Variants in NALCN observed in about 807,000 individuals in gnomAD.
NALCN encodes sodium leak channel, non-selective.
A neutral mutation model predicts 225.3 loss-of-function variants in NALCN; 111 were observed. The ratio of observed to expected loss-of-function variants is 0.49; its 90% confidence interval spans 0.42 to 0.58. NALCN has a LOEUF of 0.58. NALCN is among the 20% of genes least tolerant of loss of function. NALCN has a pLI of 0.00. For synonymous variants in NALCN, 764 were observed against 769.0 expected, an observed-to-expected ratio of 0.99 and a Z score of 0.11; for missense variants, 1,378 against 2,202.4, an observed-to-expected ratio of 0.63 and a Z score of 7.49.
intron 13 of NALCN, among the ~76,000 whole-genome samples, chr13:101,210,618 A>G (rs1449853853): frequency 2.0e-5 from 3 of 152,166 alleles, no homozygotes; most frequent in Non-Finnish European, 2.9e-5. Flanking sequence ...AAAGTTTTAA[A>G]CTTTCTATAC....
intron 4 of NALCN, 43 bp from the exon 5 acceptor site, chr13:101,377,099 A>T: frequency 6.2e-7 from 1 of 1,612,654 alleles, no homozygotes; most frequent in South Asian, 1.1e-5. Flanking sequence ...ATTTTCCCTT[A>T]GCATTGCTTA....
At chr13:101,394,804 G>A (rs2047237739) in intron 3 of NALCN, among the ~76,000 whole-genome samples, 1 of 151,674 alleles carries the variant, frequency 6.6e-6, no homozygotes, top group South Asian at 2.1e-4. Flanking sequence ...ACTCTATCAT[G>A]TGACTCTGAT....
At chr13:101,330,888 A>G (rs949997373) in intron 7 of NALCN, among the ~76,000 whole-genome samples, 2 of 152,190 alleles carry the variant, frequency 1.3e-5, no homozygotes, top group Non-Finnish European at 2.9e-5. Flanking sequence ...CCTGCCACCA[A>G]GTAAGACATA....
Position 101,104,311 on chromosome 13 carries a change from T to C in NALCN, c.2873A>G (p.Asp958Gly), listed in dbSNP as rs1312952522. The C allele has an allele frequency of 1.2e-6, 2 of 1,609,396 alleles. No homozygotes were observed. Among genetic ancestry groups the C allele is most frequent in the South Asian group, 1.1e-5 (1 of 90,014 alleles). Reference protein sequence around the residue: ...AVIRDFGGVMDIFIYLVSLIF... With the variant: ...AVIRDFGGVMGIFIYLVSLIF... ...AAGACTTACAAGATATATAAATATG[T>C]CCATTACTCCACCGAAGTCCCTGAT... The change falls in exon 25 of 44, where the codon GAC (aspartate) becomes GGC (glycine). Residue 958 changes from aspartate (D) to glycine (G), a missense_variant. Asp to Gly is a moderately conservative substitution (Grantham distance 94). Around this residue, in one of 19 missense-constraint regions of NALCN, gnomAD observed 292 missense variants for 409.5 expected, o/e 0.71. Transcript: ENST00000251127. This position sits in a 1 kb window ranked among gnomAD's most constrained non-coding sequence, Gnocchi z 4.2.
chr13:101,159,623 G>A lies in NALCN; in HGVS notation c.1840-14727C>T, dbSNP rs2038064580. Among the ~76,000 whole-genome samples, 4 of 152,276 alleles carry A rather than the reference G, an allele frequency of 2.6e-5. No individual in the cohort carries two copies. The South Asian group carries it at 8.3e-4, about 32-fold the overall frequency. On this transcript the variant is annotated intron_variant, in intron 15 of 43. Transcript: ENST00000251127. ...CATAATGAAGTATACAGCTACAGGT[G>A]TCCCAGTAATGACAGCTCTCGACTC... is the stretch of plus-strand genomic sequence containing the variant.
chr13:101,304,304 A>T (rs2044076317), intron 7 of NALCN, among the ~76,000 whole-genome samples: 1 of 152,070 alleles, frequency 6.6e-6, no homozygotes, highest in African/African-American at 2.4e-5. Context: ...ATACATGTGC[A>T]GAATGTGCAG....
chr13:101,142,668 A>T (rs957464849), intron 17 of NALCN: 1 of 178,870 alleles, frequency 5.6e-6, no homozygotes. Flanking sequence ...ATAAATGGCA[A>T]TTCTTTCGAC....
chr13:101,359,494 C>G (rs181435291), intron 6 of NALCN, among the ~76,000 whole-genome samples: 23 of 152,312 alleles, frequency 1.5e-4, no homozygotes, highest in Admixed American at 1.3e-3. Context: ...CTGTGTGCAT[C>G]AGCACATCAT....
At chr13:101,290,122 CTTGA>C (rs1425925794) in intron 9 of NALCN, among the ~76,000 whole-genome samples, 11 of 152,202 alleles carry the variant, frequency 7.2e-5, no homozygotes, top group African/African-American at 1.9e-4. Context: ...ATTTATTCCT[CTTGA>C]TTAAGTACAA....
At chr13:101,316,172 G>A (rs956446096) in intron 7 of NALCN, among the ~76,000 whole-genome samples, 12 of 151,340 alleles carry the variant, frequency 7.9e-5, no homozygotes, top group South Asian at 4.2e-4. Flanking sequence ...TTCAATAAAT[G>A]TCCTTCTCAT....
In NALCN at chr13:101,120,538, A is replaced by G. The variant is rs1566298563; in HGVS notation, c.2192+4070T>C. 1.3e-5 allele frequency among the ~76,000 whole-genome samples: 2 copies of G among 151,194 alleles called. 1 individual carries two copies. Among genetic ancestry groups the G allele is most frequent in the South Asian group, 4.2e-4 (2 of 4,784 alleles). ...CCAAACTTAAAAAAAAAAAAAAACC[A>G]CTATAAAAGTCAGTTGTATTTGTTT... On this transcript the variant is annotated intron_variant, in intron 18 of 43. Transcript: ENST00000251127.
intron 37 of NALCN, among the ~76,000 whole-genome samples, chr13:101,072,221 T>C (rs987645586): frequency 2.0e-5 from 3 of 152,142 alleles, no homozygotes; most frequent in Non-Finnish European, 2.9e-5. Context: ...ATTGGAAAAA[T>C]GGCCCTGATA....
chr13:101,388,218 T>C (rs2047047905), intron 3 of NALCN, among the ~76,000 whole-genome samples: 1 of 152,184 alleles, frequency 6.6e-6, no homozygotes, highest in African/African-American at 2.4e-5. Context: ...TTTAACTATA[T>C]TTAACTAAAA....
In NALCN at chr13:101,201,751, A is replaced by C. The variant is rs117018008; in HGVS notation, c.1627-9697T>G. Among the ~76,000 whole-genome samples the C allele has an allele frequency of 7.3e-3, 1,109 of 152,292 alleles. 10 individuals are homozygous for C. Among genetic ancestry groups the C allele is most frequent in the South Asian group, 0.029 (140 of 4,830 alleles). On this transcript the variant is annotated intron_variant, in intron 13 of 43. Coordinates refer to ENST00000251127, the MANE Select transcript of NALCN (RefSeq NM_052867.4). ...AATGTTAAAATGTGGTGGGGAATAC[A>C]ACTCGTATCATCCACATATAACTTT...
At position 101,104,759 on chromosome 13, in the gene NALCN, ACAT is replaced by A; in HGVS notation, c.2637-112_2637-110del. On this transcript the variant is annotated intron_variant, in intron 23 of 43. Transcript: ENST00000251127. The surrounding 1 kb of genome is among the most constrained non-coding windows in gnomAD (Gnocchi z 4.2). ...TATCAACATGACTGGTATTTTAAAA[ACAT>A]CATTCCCCAATCATCTATTTCATAG... is the stretch of plus-strand genomic sequence containing the variant. 1.9e-6 allele frequency: 3 copies of A among 1,558,072 alleles called. No individual in the cohort carries two copies. The highest frequency in any genetic ancestry group is 2.6e-6 in the Non-Finnish European group (3 of 1,140,590).
chr13:101,215,002 C>T (rs2040674653), intron 13 of NALCN, among the ~76,000 whole-genome samples: 1 of 152,036 alleles, frequency 6.6e-6, no homozygotes, highest in Non-Finnish European at 1.5e-5. Context: ...ATTGTTTATC[C>T]AAATGGAAAT....
chr13:101,056,930 C>T (rs1245867847), intron 43 of NALCN: 2 of 152,206 alleles, frequency 1.3e-5, no homozygotes, highest in East Asian at 3.9e-4. Context: ...TGCTGTCATT[C>T]TCTGCTGTGT....
chr13:101,349,152 C>T (rs890376726), intron 6 of NALCN, among the ~76,000 whole-genome samples: 4 of 152,098 alleles, frequency 2.6e-5, no homozygotes, highest in Non-Finnish European at 5.9e-5. Flanking sequence ...GTTTCAAGAC[C>T]AGCATTTCTT....
At chr13:101,315,430 T>G (rs2044519666) in intron 7 of NALCN, among the ~76,000 whole-genome samples, 1 of 152,098 alleles carries the variant, frequency 6.6e-6, no homozygotes, top group Non-Finnish European at 1.5e-5. Context: ...AGCACTTAAT[T>G]TCAACAAGAT....
Sources: gnomAD v4.1 joint callset for allele counts (sites outside exome capture counted in the v4.1 genomes callset) on GRCh38, gnomAD v4.1.1 for gene constraint, gnomAD v4.1.1 regional missense constraint, Gnocchi (gnomAD v3.1) non-coding constraint, MANE v1.5 for transcripts, NCBI Gene and HGNC (gene_info 2026-07-23, HGNC 2026-07-21) for gene names.